The following STK3 variants were observed in gnomAD, a reference collection of about 807,000 sequenced individuals.
STK3 encodes the protein serine/threonine kinase 3, also known as serine/threonine-protein kinase 3.
STK3 carries 41 observed loss-of-function variants against 58.0 expected under a neutral mutation model. The observed-to-expected ratio is 0.71, with a 90% CI of 0.55 to 0.92. The LOEUF (loss-of-function observed/expected upper bound fraction) is 0.92. Among genes scored for constraint, STK3 ranks in the 40% least tolerant of loss-of-function variants. STK3 has a pLI of 0.00. For missense variants in STK3, 479 were observed against 602.7 expected, an observed-to-expected ratio of 0.79 and a Z score of 2.15; for synonymous variants, 170 against 191.0, an observed-to-expected ratio of 0.89 and a Z score of 0.91.
intron 1 of STK3, among the ~76,000 whole-genome samples, chr8:98,817,616 G>A (rs542888398): frequency 6.1e-4 from 92 of 152,050 alleles, no homozygotes; most frequent in African/African-American, 2.2e-3. Flanking sequence ...CTGTTCTCCC[G>A]GTCTTTCCTC....
chr8:98,411,660 A>T (rs1818058708), intron 3 of STK3, among the ~76,000 whole-genome samples: 1 of 152,226 alleles, frequency 6.6e-6, no homozygotes. Flanking sequence ...TCTTGCCACA[A>T]ATAAAACACA....
intron 10 of STK3, among the ~76,000 whole-genome samples, chr8:98,492,316 A>G (rs16897055): frequency 0.012 from 1,755 of 152,292 alleles, 44 homozygotes; most frequent in African/African-American, 0.04. Context: ...ATTTACTCCA[A>G]AAGGATCTTT....
rs75287469 is a variant in STK3 at position 98,707,356 on chromosome 8, G to C, written c.352-45C>G. 248 of 1,388,958 alleles carry C rather than the reference G, an allele frequency of 1.8e-4. 2 individuals carry two copies. In the African/African-American group the frequency reaches 3.2e-3, roughly 18 times the overall value. 86.0% of individuals were successfully genotyped at this position (1,388,958 alleles called of 1,614,324 possible). ...AAACCATAATTAAAATGCCACGTTA[G>C]ATAAAATCTTACGAAAGAGCACTAG... On this transcript the variant is annotated intron_variant, in intron 4 of 10. Transcript: ENST00000419617.
intron 10 of STK3, among the ~76,000 whole-genome samples, chr8:98,516,791 A>G (rs1044563134): frequency 6.6e-6 from 1 of 151,932 alleles, no homozygotes; most frequent in Admixed American, 6.6e-5. Flanking sequence ...ATAATCCAGA[A>G]CTCGCTAGTC....
At chr8:98,618,145 A>T (rs1036289223) in intron 6 of STK3, among the ~76,000 whole-genome samples, 1 of 152,000 alleles carries the variant, frequency 6.6e-6, no homozygotes, top group Non-Finnish European at 1.5e-5. Flanking sequence ...CCTGGGATGC[A>T]AGGCTGGTTC....
intron 10 of STK3, among the ~76,000 whole-genome samples, chr8:98,460,302 C>T (rs1323725713): frequency 6.6e-6 from 1 of 152,122 alleles, no homozygotes; most frequent in Non-Finnish European, 1.5e-5. Context: ...TTTGTTTTGG[C>T]CAATTTCTCC....
At chr8:98,760,014 T>C (rs932359924) in intron 3 of STK3, among the ~76,000 whole-genome samples, 5 of 151,670 alleles carry the variant, frequency 3.3e-5, no homozygotes, top group African/African-American at 1.2e-4. Context: ...TTATACTGCA[T>C]TGGTTTTTTT....
chr8:98,691,831 C>T (rs945806696), intron 6 of STK3, among the ~76,000 whole-genome samples: 5 of 151,498 alleles, frequency 3.3e-5, no homozygotes, highest in African/African-American at 1.2e-4. Context: ...ACTCGGGAGG[C>T]TGAGGCAGGA....
At chr8:98,883,617 A>T (rs1201870120), downstream of STK3, 1 of 702,568 alleles carries the variant, frequency 1.4e-6, no homozygotes, top group East Asian at 2.7e-5. Flanking sequence ...GCCTGGTCTG[A>T]GGAGGGACTG....
At chr8:98,889,878 A>G (rs1488530447) in intron 1 of STK3, 1 of 152,202 alleles carries the variant, frequency 6.6e-6, no homozygotes, top group Non-Finnish European at 1.5e-5. Flanking sequence ...GCTCTCAGAG[A>G]TTATCTACAT....
chr8:98,696,265 A>G (rs909247481), intron 6 of STK3, among the ~76,000 whole-genome samples: 2 of 152,134 alleles, frequency 1.3e-5, no homozygotes, highest in Non-Finnish European at 2.9e-5. Context: ...GGCTGAGACA[A>G]TGGGGTTTTC....
At chr8:98,553,939 A>C (rs989513013) in intron 8 of STK3, among the ~76,000 whole-genome samples, 2 of 151,626 alleles carry the variant, frequency 1.3e-5, no homozygotes, top group African/African-American at 4.8e-5. Context: ...AGACAGAGTG[A>C]GACTCCATCC....
intron 3 of STK3, among the ~76,000 whole-genome samples, chr8:98,761,818 G>T (rs939633621): frequency 7.9e-4 from 120 of 152,128 alleles, no homozygotes; most frequent in African/African-American, 2.7e-3. Flanking sequence ...TGAAACTTTT[G>T]ATTTTTTATT....
At chr8:98,492,767 T>C (rs1363557956) in intron 10 of STK3, among the ~76,000 whole-genome samples, 1 of 152,132 alleles carries the variant, frequency 6.6e-6, no homozygotes, top group Non-Finnish European at 1.5e-5. Flanking sequence ...CCCACTCTTA[T>C]CCTCTAATTC....
chr8:98,653,884 A>G (rs1453707719), intron 6 of STK3, among the ~76,000 whole-genome samples: 2 of 152,238 alleles, frequency 1.3e-5, no homozygotes, highest in Non-Finnish European at 2.9e-5. Flanking sequence ...AAGGATTCAC[A>G]GCCTAATTCT....
At chr8:98,366,781 C>T (rs1245339099), downstream of STK3, among the ~76,000 whole-genome samples, 3 of 152,172 alleles carry the variant, frequency 2.0e-5, no homozygotes, top group Non-Finnish European at 1.5e-5. Flanking sequence ...TCCTGACTCC[C>T]ATGTCCAACA....
chr8:98,477,050 A>G (rs1375441369), intron 10 of STK3, among the ~76,000 whole-genome samples: 1 of 152,216 alleles, frequency 6.6e-6, no homozygotes, highest in East Asian at 1.9e-4. Context: ...CATTCTTATC[A>G]TCAAGGACGG....
intron 1 of STK3, among the ~76,000 whole-genome samples, chr8:98,884,688 C>T (rs1837914348): frequency 6.6e-6 from 1 of 152,110 alleles, no homozygotes; most frequent in Non-Finnish European, 1.5e-5. Flanking sequence ...TTTAATAACA[C>T]CTCTCCTGTA....
chr8:98,853,697 G>C (rs1011523027), intron 3 of STK3, among the ~76,000 whole-genome samples: 1 of 152,216 alleles, frequency 6.6e-6, no homozygotes, highest in Non-Finnish European at 1.5e-5. Context: ...AACACTTAGA[G>C]ATAATGAAGT....
Sources: allele counts gnomAD v4.1 joint callset (sites outside exome capture counted in the v4.1 genomes callset), GRCh38; gene constraint gnomAD v4.1.1; transcripts MANE v1.5; gene names NCBI Gene and HGNC (gene_info 2026-07-23, HGNC 2026-07-21).